The following CORIN variants were observed in gnomAD, a reference collection of about 807,000 sequenced individuals.
CORIN encodes atrial natriuretic peptide-converting enzyme.
Under a neutral mutation model 125.3 loss-of-function variants are expected in CORIN, and 117 were observed. That is an observed-to-expected ratio of 0.93 (90% CI 0.80 to 1.09). CORIN has a LOEUF of 1.09. CORIN is among the 50% of genes least tolerant of loss of function. CORIN has a pLI of 0.00. For synonymous variants in CORIN, 450 were observed against 466.4 expected (o/e 0.96, Z 0.45); for missense variants, 1,253 against 1,306.7 (o/e 0.96, Z 0.63).
chr4:47,786,719 A>T lies in CORIN; in HGVS notation c.409+6T>A, dbSNP rs1326085128. ...AGCCTCTAGCATGTATCACCTTTGGACTTACTTGTATTCCTGTGACTTTGG... is the reference window on the plus strand; with the variant it reads ...AGCCTCTAGCATGTATCACCTTTGGTCTTACTTGTATTCCTGTGACTTTGG... On this transcript the variant is annotated splice_donor_region_variant and intron_variant, in intron 3 of 21. Transcript: ENST00000273857. 6.2e-7 allele frequency: 1 copy of T among 1,611,862 alleles called. No individual in the cohort carries two copies. Among genetic ancestry groups the T allele is most frequent in the African/African-American group, 1.3e-5 (1 of 74,864 alleles).
chr4:47,657,315 T>G (rs1223396979), intron 12 of CORIN, among the ~76,000 whole-genome samples: 1 of 151,904 alleles, frequency 6.6e-6, no homozygotes, highest in Non-Finnish European at 1.5e-5. Context: ...GGGTGGATCA[T>G]GAGGTCAGGA....
intron 5 of CORIN, among the ~76,000 whole-genome samples, chr4:47,732,554 AG>A (rs1727922470): frequency 6.6e-6 from 1 of 150,444 alleles, no homozygotes; most frequent in Admixed American, 6.6e-5. Context: ...TAGCTGGTTT[AG>A]TAATCTACTC....
intron 5 of CORIN, among the ~76,000 whole-genome samples, chr4:47,735,241 T>C (rs543042417): frequency 9.8e-5 from 15 of 152,348 alleles, no homozygotes; most frequent in African/African-American, 3.6e-4. Flanking sequence ...TGGCAGTGAC[T>C]TTCTCTATAG....
chr4:47,693,181 T>G, intron 5 of CORIN, 98 bp from the exon 6 acceptor site: 2 of 795,484 alleles, frequency 2.5e-6, no homozygotes, highest in Non-Finnish European at 2.0e-6. Flanking sequence ...CTTTTGCTAT[T>G]CAACAGATTT....
At chr4:47,607,189 A>AG (rs199973998) in intron 19 of CORIN, among the ~76,000 whole-genome samples, 1 of 152,142 alleles carries the variant, frequency 6.6e-6, no homozygotes, top group African/African-American at 2.4e-5. Context: ...CAGGCAGATC[A>AG]CGAGGTCAGG....
At chr4:47,600,431 G>A in intron 20 of CORIN, 84 bp from the exon 21 acceptor site, 5 of 819,166 alleles carry the variant, frequency 6.1e-6, no homozygotes, top group East Asian at 2.9e-5. Context: ...AATATGAAAT[G>A]CAAATATAAT....
At chr4:47,618,507 G>A (rs912283492) in intron 19 of CORIN, among the ~76,000 whole-genome samples, 9 of 151,746 alleles carry the variant, frequency 5.9e-5, no homozygotes, top group Admixed American at 3.9e-4. Flanking sequence ...CCCAGGGAAC[G>A]AGGTAAGTTG....
At chr4:47,671,195 G>A (rs1041279853) in intron 10 of CORIN, among the ~76,000 whole-genome samples, 6 of 152,128 alleles carry the variant, frequency 3.9e-5, no homozygotes, top group Admixed American at 6.5e-5. Context: ...TATCTTTAGC[G>A]ACCATTAGAA....
At chr4:47,780,553 C>T (rs1160615569) in intron 3 of CORIN, among the ~76,000 whole-genome samples, 4 of 152,034 alleles carry the variant, frequency 2.6e-5, no homozygotes, top group Non-Finnish European at 5.9e-5. Context: ...AAAATCTACT[C>T]CTCCACAAAA....
intron 5 of CORIN, among the ~76,000 whole-genome samples, chr4:47,738,472 T>C (rs1429836481): frequency 6.6e-6 from 1 of 152,192 alleles, no homozygotes; most frequent in African/African-American, 2.4e-5. Context: ...AAAACTTCAG[T>C]GGCCAGACAT....
chr4:47,674,479 CCTT>C lies in CORIN; in HGVS notation c.1268_1270del (p.Glu423del), dbSNP rs745313290. 10 of 1,613,204 alleles carry C rather than the reference CCTT, an allele frequency of 6.2e-6. No individual in the cohort carries two copies. In the African/African-American group the frequency reaches 1.1e-4, roughly 17 times the overall value. ...GGGATTGTAGAGGCATCTTTGGTCT[CCTT>C]CTTGACATGAAGTCTGAACTACAGA... is the stretch of plus-strand genomic sequence containing the variant. On this transcript the variant is annotated inframe_deletion, in exon 10 of 22. Coordinates refer to ENST00000273857, the MANE Select transcript of CORIN (RefSeq NM_006587.4).
chr4:47,769,762 G>C (rs1258159937), intron 3 of CORIN, among the ~76,000 whole-genome samples: 1 of 151,968 alleles, frequency 6.6e-6, no homozygotes, highest in Non-Finnish European at 1.5e-5. Context: ...ATACACAATG[G>C]GGAAACAACA....
Position 47,645,126 on chromosome 4 carries a change from C to T in CORIN, c.1912G>A (p.Asp638Asn), listed in dbSNP as rs763685888. Residue 638 changes from aspartate (D) to asparagine (N), a missense_variant, in exon 14 of 22, where the codon GAT becomes AAT. Transcript: ENST00000273857. Reference sequence around the variant, plus strand: ...TAATCAGGGCAGTCTGGGAACCCATCGCAGATCACTGTGTGCTTCAAACAT... The same window carrying T: ...TAATCAGGGCAGTCTGGGAACCCATTGCAGATCACTGTGTGCTTCAAACAT... ...KQCLKHTVIC[D>N]GFPDCPDYMD... The T allele has an allele frequency of 6.2e-6, 10 of 1,613,058 alleles. No homozygotes were observed. The highest frequency in any genetic ancestry group is 3.3e-5 in the South Asian group (3 of 90,980).
intron 1 of CORIN, among the ~76,000 whole-genome samples, chr4:47,809,217 C>T (rs529751945): frequency 6.6e-6 from 1 of 152,206 alleles, no homozygotes; most frequent in African/African-American, 2.4e-5. Context: ...TGGCTCATTG[C>T]CATCTGGACT....
intron 10 of CORIN, among the ~76,000 whole-genome samples, chr4:47,673,009 C>T (rs1413029050): frequency 6.6e-6 from 1 of 151,854 alleles, no homozygotes; most frequent in African/African-American, 2.4e-5. Flanking sequence ...AATGCAAGGC[C>T]GAAGACTTTC....
chr4:47,804,636 A>G (rs1187094226), intron 2 of CORIN, among the ~76,000 whole-genome samples: 1 of 141,878 alleles, frequency 7.0e-6, no homozygotes, highest in Non-Finnish European at 1.5e-5. Flanking sequence ...GTTCTCACTT[A>G]TTTTAGGGGC....
chr4:47,635,974 A>G (rs371387277), intron 16 of CORIN, among the ~76,000 whole-genome samples: 2 of 152,210 alleles, frequency 1.3e-5, no homozygotes, highest in East Asian at 3.8e-4. Context: ...GGATCCATTC[A>G]TATCATGTCC....
chr4:47,709,271 CTTTATTTA>C (rs71199994), intron 5 of CORIN, among the ~76,000 whole-genome samples: 58,415 of 148,298 alleles, frequency 0.39, 11,659 homozygotes, highest in Non-Finnish European at 0.42. Context: ...ATTTGCAGTA[CTTTATTTA>C]TTTATTTATT....
intron 17 of CORIN, among the ~76,000 whole-genome samples, chr4:47,625,814 C>T (rs4031825): frequency 0.63 from 95,696 of 151,998 alleles, 31,176 homozygotes; most frequent in African/African-American, 0.79. Context: ...GAGGTTTAAA[C>T]GAGTCAGTGT....
Sources: gnomAD v4.1 joint callset for allele counts (sites outside exome capture counted in the v4.1 genomes callset) on GRCh38, gnomAD v4.1.1 for gene constraint, MANE v1.5 for transcripts, NCBI Gene and HGNC (gene_info 2026-07-23, HGNC 2026-07-21) for gene names.